AEBP2: variants seen among roughly 807,000 people sequenced by gnomAD.
AEBP2 encodes the protein AE binding protein 2.
Under a neutral mutation model 50.8 loss-of-function variants are expected in AEBP2, and 10 were observed. The observed-to-expected ratio is 0.20, with a 90% confidence interval of 0.12 to 0.33. The LOEUF is 0.33. Ranked by LOEUF, AEBP2 falls within the 10% of genes least tolerant of loss-of-function variation. The probability of loss-of-function intolerance (pLI) is 1.00; values close to 1 mark genes in which losing one functional copy is unlikely to be tolerated. For missense variants in AEBP2, 570 were observed against 688.0 expected (o/e 0.83, Z 1.92); for synonymous variants, 296 against 261.3 (o/e 1.13, Z -1.28).
intron 1 of AEBP2, among the ~76,000 whole-genome samples, chr12:19,430,986 C>T (rs1403346774): frequency 1.4e-5 from 2 of 139,784 alleles, no homozygotes; most frequent in Non-Finnish European, 3.0e-5. Context: ...CACTCCAGTC[C>T]AGGCAATAGA....
intron 1 of AEBP2, among the ~76,000 whole-genome samples, chr12:19,424,268 T>C (rs2095747326): frequency 6.6e-6 from 1 of 152,076 alleles, no homozygotes; most frequent in South Asian, 2.1e-4. Context: ...CAGAAAAGAC[T>C]TGATCATGCT....
chr12:19,470,743 A>C lies in AEBP2; in HGVS notation c.880-2505A>C, dbSNP rs147283118. On this transcript the variant is annotated intron_variant, in intron 2 of 7. Transcript: ENST00000266508. The stretch of plus-strand genomic sequence containing the variant: ...AAGCCAGATACTGCTGTTTCTACCA[A>C]ATTTAGTGATTGAGTGTTGTTAGGT... Among the ~76,000 whole-genome samples the C allele has an allele frequency of 2.8e-3, 432 of 152,208 alleles. 6 individuals are homozygous for C. The highest frequency in any genetic ancestry group is 1.0e-2 in the African/African-American group (414 of 41,528).
intron 2 of AEBP2, 117 bp downstream of exon 2, chr12:19,462,834 T>G (rs1303392403): frequency 7.8e-6 from 7 of 894,430 alleles, no homozygotes; most frequent in African/African-American, 3.4e-5. Context: ...ACAGGCTTAG[T>G]TTTTTCAAGT....
rs184651623 is a variant in AEBP2, at chr12:19,465,352, C to T, written c.879+2635C>T. On this transcript the variant is annotated intron_variant, in intron 2 of 7. Coordinates refer to ENST00000266508, the MANE Select transcript of AEBP2 (RefSeq NM_153207.5). ...GAGGTTGCAGTGAGCTGAGATCACG[C>T]CACTGCACTCCAGCCTGGGTGACAG... is the stretch of plus-strand genomic sequence containing the variant. Among the ~76,000 whole-genome samples the T allele has an allele frequency of 2.0e-3, 304 of 151,974 alleles. 6 individuals carry two copies. Among genetic ancestry groups the T allele is most frequent in the South Asian group, 8.3e-4 (4 of 4,804 alleles).
chr12:19,440,823 T>G (rs1325233042), intron 1 of AEBP2: 1 of 1,456,532 alleles, frequency 6.9e-7, no homozygotes, highest in East Asian at 2.5e-5. Flanking sequence ...TAACAGAACT[T>G]CCTTGTCCAT....
rs111709659 is a variant in AEBP2 at position 19,459,755 on chromosome 12, T to C, written c.672-2755T>C. On this transcript the variant is annotated intron_variant, in intron 1 of 7. Coordinates refer to ENST00000266508, the MANE Select transcript of AEBP2 (RefSeq NM_153207.5). ...GACTAGGCAGGTAAATATATATTTA[T>C]TGCATTTAACTAACTAGGTAGGTAG... 2.9e-3 allele frequency among the ~76,000 whole-genome samples: 435 copies of C among 152,266 alleles called. 1 individual carries two copies. Among genetic ancestry groups the C allele is most frequent in the African/African-American group, 9.9e-3 (411 of 41,552 alleles).
chr12:19,429,617 C>G (rs2095750380), intron 1 of AEBP2, among the ~76,000 whole-genome samples: 1 of 152,242 alleles, frequency 6.6e-6, no homozygotes, highest in African/African-American at 2.4e-5. Context: ...GTTCCTATTT[C>G]TCCACATCCT....
At chr12:19,510,316 G>T (rs1163137464) in intron 5 of AEBP2, among the ~76,000 whole-genome samples, 1 of 152,134 alleles carries the variant, frequency 6.6e-6, no homozygotes, top group African/African-American at 2.4e-5. Context: ...TCAGCATTTT[G>T]AAGACATGGA....
intron 3 of AEBP2, among the ~76,000 whole-genome samples, chr12:19,483,158 C>A (rs1365111810): frequency 2.0e-5 from 3 of 152,122 alleles, no homozygotes; most frequent in African/African-American, 7.2e-5. Flanking sequence ...TGTTACCCTT[C>A]CCTAATTCTA....
intron 1 of AEBP2, among the ~76,000 whole-genome samples, chr12:19,434,230 A>G (rs184073365): frequency 4.6e-3 from 677 of 148,778 alleles, no homozygotes; most frequent in Admixed American, 7.1e-3. Flanking sequence ...CTGGAGTGCA[A>G]TGGTGTGCTC....
At position 19,518,854 on chromosome 12, in the gene AEBP2, T is replaced by A; in HGVS notation, c.*737T>A. The A allele has an allele frequency of 1.8e-6, 1 of 555,104 alleles. No homozygotes were observed. The highest frequency in any genetic ancestry group is 2.8e-6 in the Non-Finnish European group (1 of 351,654). The allele number at this position is 555,104 out of a possible 1,614,324, so 34.4% of individuals were successfully genotyped here. ...CTCATGGAGTACAGTATGTTAATAT[T>A]TACCTATATAACTAATCTGTTAACG... On this transcript the variant is annotated 3_prime_UTR_variant, in exon 8 of 8. Coordinates refer to ENST00000266508, the MANE Select transcript of AEBP2 (RefSeq NM_153207.5).
chr12:19,502,520 C>A (rs969235712), intron 5 of AEBP2, among the ~76,000 whole-genome samples: 9 of 152,094 alleles, frequency 5.9e-5, no homozygotes, highest in Non-Finnish European at 1.2e-4. Flanking sequence ...TTCTCCAGTG[C>A]CATTTATTGA....
At chr12:19,428,852 A>C (rs1395189504) in intron 1 of AEBP2, among the ~76,000 whole-genome samples, 1 of 152,018 alleles carries the variant, frequency 6.6e-6, no homozygotes, top group Non-Finnish European at 1.5e-5. Context: ...TTAAAAAATC[A>C]TTTAGGCGGG....
In AEBP2 at chr12:19,479,463, A is replaced by G. The variant is rs1006322965; in HGVS notation, c.987+6108A>G. ...AGCTCAAAGAACAGCTGAGAAATTCATCACAAAAAGATCATCACCTAGGCA... is the reference window on the plus strand; with the variant it reads ...AGCTCAAAGAACAGCTGAGAAATTCGTCACAAAAAGATCATCACCTAGGCA... On this transcript the variant is annotated intron_variant, in intron 3 of 7. Transcript: ENST00000266508. Among the ~76,000 whole-genome samples, 8 of 152,178 alleles carry G rather than the reference A, an allele frequency of 5.3e-5. No individual in the cohort carries two copies. In the South Asian group the frequency reaches 6.2e-4, roughly 12 times the overall value.
chr12:19,459,634 A>G (rs914507640), intron 1 of AEBP2, among the ~76,000 whole-genome samples: 3 of 152,370 alleles, frequency 2.0e-5, no homozygotes, highest in Non-Finnish European at 2.9e-5. Context: ...ATATATGTAT[A>G]TTCAGATATT....
chr12:19,500,628 C>G (rs1418153330), intron 5 of AEBP2, among the ~76,000 whole-genome samples: 1 of 152,152 alleles, frequency 6.6e-6, no homozygotes, highest in Non-Finnish European at 1.5e-5. Flanking sequence ...GGAGCCACCT[C>G]TTACCCCACG....
At position 19,506,697 on chromosome 12, in the gene AEBP2, G is replaced by T. The variant is rs183187087; in HGVS notation, c.1300-5701G>T. 4.1e-4 allele frequency among the ~76,000 whole-genome samples: 63 copies of T among 152,252 alleles called. 1 individual carries two copies. Among genetic ancestry groups the T allele is most frequent in the Non-Finnish European group, 1.0e-4 (7 of 68,016 alleles). On this transcript the variant is annotated intron_variant, in intron 5 of 7. Transcript: ENST00000266508. ...TTGGTTTCTGTGTTGAGAACAAATTGTAGAAAGTCAGGGGTGAGAGTAAAG... is the reference window on the plus strand; with the variant it reads ...TTGGTTTCTGTGTTGAGAACAAATTTTAGAAAGTCAGGGGTGAGAGTAAAG...
chr12:19,501,721 C>G (rs968934412), intron 5 of AEBP2, among the ~76,000 whole-genome samples: 1 of 147,500 alleles, frequency 6.8e-6, no homozygotes, highest in Non-Finnish European at 1.5e-5. Flanking sequence ...AATTGAAATA[C>G]AAAAGGTCCT....
intron 4 of AEBP2, 134 bp downstream of exon 4, chr12:19,494,120 G>A (rs1948935211): frequency 1.1e-6 from 1 of 936,656 alleles, no homozygotes; most frequent in South Asian, 1.8e-5. Flanking sequence ...CTGTCTGTCA[G>A]TGAGAGTGAG....
Sources: gnomAD v4.1 joint callset for allele counts (sites outside exome capture counted in the v4.1 genomes callset) on GRCh38, gnomAD v4.1.1 for gene constraint, MANE v1.5 for transcripts, NCBI Gene and HGNC (gene_info 2026-07-23, HGNC 2026-07-21) for gene names.